FMN2: variants seen among roughly 807,000 people sequenced by gnomAD.
FMN2 encodes formin-2.
In FMN2, 51 loss-of-function variants were observed where a neutral mutation model predicts 142.3. That is an observed-to-expected ratio of 0.36 (90% CI 0.29 to 0.45). The LOEUF is 0.45. FMN2 is among the 20% of genes least tolerant of loss of function. The pLI is 1.00. For synonymous variants in FMN2, 882 were observed against 869.8 expected (o/e 1.01, Z -0.25); for missense variants, 1,936 against 2,122.8 (o/e 0.91, Z 1.73).
intron 7 of FMN2, among the ~76,000 whole-genome samples, chr1:240,293,616 T>A (rs547936054): frequency 6.6e-6 from 1 of 152,294 alleles, no homozygotes; most frequent in South Asian, 2.1e-4. Context: ...ACATTAAAGT[T>A]CACGATATTT....
intron 6 of FMN2, among the ~76,000 whole-genome samples, chr1:240,253,453 C>T (rs757745697): frequency 3.9e-5 from 6 of 152,030 alleles, no homozygotes; most frequent in East Asian, 1.9e-4. Context: ...TTCTTTTTTA[C>T]GATATCTATC....
chr1:240,130,463 C>G (rs367636728), intron 2 of FMN2, among the ~76,000 whole-genome samples: 1 of 152,068 alleles, frequency 6.6e-6, no homozygotes, highest in Non-Finnish European at 1.5e-5. Context: ...CTACCACGCC[C>G]GGCTAATTTT....
Position 240,448,643 on chromosome 1 carries a change from C to T in FMN2, c.5060+10433C>T, listed in dbSNP as rs537540451. ...ACAACCTGGGAAACATAGGGAGACC[C>T]TGTCTCTACAAAAACAAACAAACAA... On this transcript the variant is annotated intron_variant, in intron 16 of 17. Transcript: ENST00000319653. 2.0e-5 allele frequency among the ~76,000 whole-genome samples: 3 copies of T among 152,118 alleles called. No individual in the cohort carries two copies. The South Asian group carries it at 6.2e-4, about 32-fold the overall frequency.
intron 15 of FMN2, among the ~76,000 whole-genome samples, chr1:240,418,013 T>A (rs1483155715): frequency 6.6e-6 from 1 of 152,120 alleles, no homozygotes; most frequent in Non-Finnish European, 1.5e-5. Context: ...TGATTAATGC[T>A]TCATCACGCT....
At chr1:240,300,292 T>G (rs1278519931) in intron 8 of FMN2, among the ~76,000 whole-genome samples, 1 of 152,174 alleles carries the variant, frequency 6.6e-6, no homozygotes, top group Admixed American at 6.5e-5. Flanking sequence ...TTTAATCCCA[T>G]TAAATGACTG....
At chr1:240,200,858 T>C (rs561698633) in intron 4 of FMN2, among the ~76,000 whole-genome samples, 5 of 152,292 alleles carry the variant, frequency 3.3e-5, no homozygotes, top group Non-Finnish European at 4.4e-5. Flanking sequence ...TTATAAAAAT[T>C]TTAGTCTTTC....
intron 14 of FMN2, among the ~76,000 whole-genome samples, chr1:240,377,131 C>T (rs1426023077): frequency 6.6e-6 from 1 of 152,162 alleles, no homozygotes; most frequent in East Asian, 1.9e-4. Flanking sequence ...TTATTTCACT[C>T]ATTTGCATAG....
At position 240,208,781 on chromosome 1, in the gene FMN2, G is replaced by C. The variant is rs189755907; in HGVS notation, c.3920+49G>C. On this transcript the variant is annotated intron_variant, in intron 5 of 17. Coordinates refer to ENST00000319653, the MANE Select transcript of FMN2 (RefSeq NM_020066.5). Reference sequence around the variant, plus strand: ...TTGCACAGTGTGTGTCAGTATTAGGGAAGTGTTTACCTTCAAACTCGGGAA... The same window carrying C: ...TTGCACAGTGTGTGTCAGTATTAGGCAAGTGTTTACCTTCAAACTCGGGAA... 3.1e-4 allele frequency: 471 copies of C among 1,536,722 alleles called. 3 individuals carry two copies. In the African/African-American group the frequency reaches 6.0e-3, roughly 20 times the overall value.
chr1:240,093,143 C>A lies in FMN2; in HGVS notation c.1034C>A (p.Thr345Lys). The A allele has an allele frequency of 1.4e-6, 2 of 1,415,046 alleles. No individual in the cohort carries two copies. The highest frequency in any genetic ancestry group is 1.8e-6 in the Non-Finnish European group (2 of 1,092,486). 87.7% of individuals were successfully genotyped at this position (1,415,046 alleles called of 1,614,324 possible). Residue 345 changes from threonine (T) to lysine (K), a missense_variant, in exon 1 of 18, where the codon ACG becomes AAG. By Grantham distance (78) the Thr-to-Lys change is moderately conservative. This residue lies in a region of FMN2 where 751 missense variants were observed against 791.8 expected (regional missense o/e 0.95). Coordinates refer to ENST00000319653, the MANE Select transcript of FMN2 (RefSeq NM_020066.5). ...AGAPVRGAGD[T>K]DEEGEEDAFE... Reference sequence around the variant, plus strand: ...GCCCCCGTGCGAGGGGCTGGGGACACGGATGAGGAGGGTGAGGAGGATGCT... The same window carrying A: ...GCCCCCGTGCGAGGGGCTGGGGACAAGGATGAGGAGGGTGAGGAGGATGCT...
chr1:240,311,815 G>A (rs1411507020), intron 8 of FMN2, among the ~76,000 whole-genome samples: 1 of 152,092 alleles, frequency 6.6e-6, no homozygotes, highest in African/African-American at 2.4e-5. Context: ...CTTATATGTC[G>A]TTCCTGTTAT....
intron 8 of FMN2, among the ~76,000 whole-genome samples, chr1:240,305,869 T>C (rs2102979642): frequency 6.6e-6 from 1 of 152,190 alleles, no homozygotes; most frequent in South Asian, 2.1e-4. Context: ...ATTATTGTAA[T>C]AGGATATAAA....
At chr1:240,172,457 A>ACATAGATTTT (rs1461587302) in intron 2 of FMN2, among the ~76,000 whole-genome samples, 9 of 152,232 alleles carry the variant, frequency 5.9e-5, no homozygotes, top group Non-Finnish European at 5.9e-5. Flanking sequence ...GACTATTGTA[A>ACATAGATTTT]TCAAACATAG....
intron 7 of FMN2, among the ~76,000 whole-genome samples, chr1:240,277,931 C>T (rs900685957): frequency 6.6e-6 from 1 of 151,904 alleles, no homozygotes; most frequent in Admixed American, 6.6e-5. Context: ...ATATTGAGTT[C>T]GTTAAAAATG....
chr1:240,281,985 T>C (rs1669410783), intron 7 of FMN2, among the ~76,000 whole-genome samples: 1 of 152,216 alleles, frequency 6.6e-6, no homozygotes, highest in Non-Finnish European at 1.5e-5. Flanking sequence ...ACTTATAGTC[T>C]TATTTTCTAA....
chr1:240,399,633 C>T (rs924674810), intron 15 of FMN2, among the ~76,000 whole-genome samples: 2 of 152,204 alleles, frequency 1.3e-5, no homozygotes, highest in African/African-American at 4.8e-5. Flanking sequence ...ATTCCACCAC[C>T]TCCAGCTTAT....
At chr1:240,361,152 T>A (rs796163466) in intron 14 of FMN2, among the ~76,000 whole-genome samples, 2,539 of 25,160 alleles carry the variant, frequency 0.1, 70 homozygotes, top group African/African-American at 0.22. Context: ...TATATATATA[T>A]ATATATATAT....
At chr1:240,387,225 C>A (rs1266689523) in intron 14 of FMN2, among the ~76,000 whole-genome samples, 2 of 152,172 alleles carry the variant, frequency 1.3e-5, no homozygotes, top group East Asian at 1.9e-4. Context: ...ATTTTACTAT[C>A]ACTCTACTCC....
chr1:240,381,540 C>T (rs1673226816), intron 14 of FMN2, among the ~76,000 whole-genome samples: 1 of 152,148 alleles, frequency 6.6e-6, no homozygotes, highest in South Asian at 2.1e-4. Flanking sequence ...AGCGGTTCTC[C>T]TGCCTCAGCC....
intron 2 of FMN2, chr1:240,170,727 T>C (rs1163673785): frequency 2.4e-5 from 36 of 1,524,584 alleles, no homozygotes; most frequent in Non-Finnish European, 3.3e-5. Flanking sequence ...CTGTGAACAC[T>C]GTCAAGGTGG....
Sources: gnomAD v4.1 joint callset for allele counts (sites outside exome capture counted in the v4.1 genomes callset) on GRCh38, gnomAD v4.1.1 for gene constraint, gnomAD v4.1.1 regional missense constraint, MANE v1.5 for transcripts, NCBI Gene and HGNC (gene_info 2026-07-23, HGNC 2026-07-21) for gene names.